PLBD1: variants seen among roughly 807,000 people sequenced by gnomAD.
PLBD1 encodes phospholipase B domain containing 1.
In PLBD1, 60 loss-of-function variants were observed where a neutral mutation model predicts 63.0. That is an observed-to-expected ratio of 0.95 (90% confidence interval 0.77 to 1.18). The LOEUF is 1.18. Among genes scored for constraint, PLBD1 ranks in the 50% most tolerant of loss-of-function variants. The pLI is 0.00. For missense variants in PLBD1, 598 were observed against 677.9 expected (o/e 0.88, Z 1.31); for synonymous variants, 262 against 248.0 (o/e 1.06, Z -0.53).
At chr12:14,547,029 T>A (rs911585201) in intron 2 of PLBD1, among the ~76,000 whole-genome samples, 3 of 152,066 alleles carry the variant, frequency 2.0e-5, no homozygotes, top group Admixed American at 1.3e-4. Flanking sequence ...TACAGGCGTG[T>A]GCCACCACAC....
chr12:14,527,765 C>T (rs1049904629), intron 6 of PLBD1, among the ~76,000 whole-genome samples: 12 of 150,426 alleles, frequency 8.0e-5, no homozygotes, highest in Admixed American at 2.0e-4. Flanking sequence ...ACATTTATAA[C>T]AGATACCTGT....
At chr12:14,544,824 T>C (rs1945604785) in intron 2 of PLBD1, among the ~76,000 whole-genome samples, 1 of 152,234 alleles carries the variant, frequency 6.6e-6, no homozygotes, top group African/African-American at 2.4e-5. Flanking sequence ...ATTCCTTGTT[T>C]AATAAATTCT....
chr12:14,512,045 G>A (rs1591994218), intron 6 of PLBD1, among the ~76,000 whole-genome samples: 2 of 145,504 alleles, frequency 1.4e-5, no homozygotes, highest in South Asian at 2.1e-4. Context: ...TTTTGCAGGA[G>A]AATTTTTAAT....
At chr12:14,518,112 C>T (rs1300525480) in intron 6 of PLBD1, among the ~76,000 whole-genome samples, 4 of 152,088 alleles carry the variant, frequency 2.6e-5, no homozygotes, top group South Asian at 2.1e-4. Context: ...ACCTGGGAGG[C>T]GGAGGTTGCA....
chr12:14,512,273 T>TGA (rs1211869428), intron 6 of PLBD1, among the ~76,000 whole-genome samples: 1 of 151,932 alleles, frequency 6.6e-6, no homozygotes, highest in Non-Finnish European at 1.5e-5. Flanking sequence ...CTCAGCCTCC[T>TGA]GAGTAGCTGG....
intron 8 of PLBD1, among the ~76,000 whole-genome samples, chr12:14,507,570 T>C (rs1945265618): frequency 2.0e-5 from 3 of 152,170 alleles, no homozygotes. Flanking sequence ...AACATAGCAC[T>C]GGGAATAGAA....
Position 14,506,089 on chromosome 12 carries a change from A to T in PLBD1, c.1479+73T>A. ...AGCGACATCGCTTCCTGCCATAAAA[A>T]CCTGTGCAACTTTGCCTTTGGAGAG... On this transcript the variant is annotated intron_variant, in intron 10 of 10. Coordinates refer to ENST00000240617, the MANE Select transcript of PLBD1 (RefSeq NM_024829.6). The T allele has an allele frequency of 6.0e-6, 6 of 1,003,932 alleles. No homozygotes were observed. In the South Asian group the frequency reaches 1.0e-4, roughly 17 times the overall value. 62.2% of individuals were successfully genotyped at this position (1,003,932 alleles called of 1,614,324 possible). A position where few individuals can be genotyped will look rare whatever the true frequency, so the allele number is the denominator to read the frequency against.
chr12:14,528,422 T>C, intron 6 of PLBD1, among the ~76,000 whole-genome samples: 1 of 139,010 alleles, frequency 7.2e-6, no homozygotes, highest in East Asian at 2.6e-4. Flanking sequence ...TGCAATTAAA[T>C]TGGAAAACAG....
rs1591991382 is a variant in PLBD1 at position 14,503,837 on chromosome 12, T to C, written c.1597A>G (p.Met533Val). The change falls in exon 11 of 11, where the codon ATG (methionine) becomes GTG (valine). Residue 533 changes from methionine (M) to valine (V), a missense_variant. Met to Val is a conservative substitution (Grantham distance 21, BLOSUM62 1). Transcript: ENST00000240617. ...AAATCAAAGTTGTAGACCTCTGGCA[T>C]GCCCTGATGTAGAGTTTTGTTGAAA... ...DRFNKTLHQG[M>V]PEVYNFDFIT... 9 of 1,613,940 alleles carry C rather than the reference T, an allele frequency of 5.6e-6. No homozygotes were observed. The East Asian group carries it at 1.8e-4, about 32-fold the overall frequency.
At chr12:14,539,020 CTAAATAAA>C (rs377307632) in intron 4 of PLBD1, among the ~76,000 whole-genome samples, 2,640 of 151,910 alleles carry the variant, frequency 0.017, 64 homozygotes, top group African/African-American at 0.061. Flanking sequence ...GGCTCTGTCT[CTAAATAAA>C]TAAATAAATA....
intron 10 of PLBD1, among the ~76,000 whole-genome samples, chr12:14,505,344 C>T (rs1945245295): frequency 6.6e-6 from 1 of 152,082 alleles, no homozygotes; most frequent in Non-Finnish European, 1.5e-5. Context: ...TTTAGGACAG[C>T]TGATGAAATG....
intron 8 of PLBD1, among the ~76,000 whole-genome samples, chr12:14,510,228 T>A (rs1296878403): frequency 6.6e-6 from 1 of 152,052 alleles, no homozygotes; most frequent in African/African-American, 2.4e-5. Context: ...CCGTCTCTAC[T>A]AAAAACACAC....
chr12:14,511,795 C>T (rs1345084453), intron 6 of PLBD1, 84 bp from the exon 7 acceptor site: 1 of 1,335,364 alleles, frequency 7.5e-7, no homozygotes. Flanking sequence ...TTTACATACA[C>T]AATGCATTTT....
At chr12:14,551,137 G>A (rs889405460) in intron 2 of PLBD1, among the ~76,000 whole-genome samples, 19 of 152,006 alleles carry the variant, frequency 1.2e-4, no homozygotes, top group African/African-American at 4.1e-4. Context: ...GGACAAGGTG[G>A]GAGGATCACG....
intron 6 of PLBD1, among the ~76,000 whole-genome samples, chr12:14,515,469 C>T (rs1256504278): frequency 6.6e-6 from 1 of 151,178 alleles, no homozygotes. Context: ...AATACGTGCC[C>T]GTATTCTGCT....
intron 6 of PLBD1, among the ~76,000 whole-genome samples, chr12:14,534,451 T>A (rs1157121008): frequency 6.6e-6 from 1 of 152,198 alleles, no homozygotes; most frequent in African/African-American, 2.4e-5. Flanking sequence ...CTGGAAATTC[T>A]TGGATGGAGA....
intron 3 of PLBD1, among the ~76,000 whole-genome samples, chr12:14,541,863 A>C (rs1427792729): frequency 6.6e-6 from 1 of 152,216 alleles, no homozygotes; most frequent in Non-Finnish European, 1.5e-5. Context: ...AAACATCTTA[A>C]AGAGCGAGGA....
At chr12:14,539,928 A>G (rs1158951906) in intron 4 of PLBD1, among the ~76,000 whole-genome samples, 1 of 147,394 alleles carries the variant, frequency 6.8e-6, no homozygotes, top group African/African-American at 2.5e-5. Flanking sequence ...ATGTACATGT[A>G]TATATGTGTG....
rs938525038 is a variant in PLBD1, at chr12:14,526,060, C to T, written c.844+9599G>A. ...AAAACCTTTGTTAAAATGTTTAACACAAAAAAAGACAGGAAAGGAGGAACA... is the reference window on the plus strand; with the variant it reads ...AAAACCTTTGTTAAAATGTTTAACATAAAAAAAGACAGGAAAGGAGGAACA... On this transcript the variant is annotated intron_variant, in intron 6 of 10. Transcript: ENST00000240617. Among the ~76,000 whole-genome samples the T allele has an allele frequency of 2.7e-5, 4 of 150,186 alleles. No individual in the cohort carries two copies. The South Asian group carries it at 6.4e-4, about 24-fold the overall frequency.
Sources: gnomAD v4.1 joint callset for allele counts (sites outside exome capture counted in the v4.1 genomes callset) on GRCh38, gnomAD v4.1.1 for gene constraint, MANE v1.5 for transcripts, NCBI Gene and HGNC (gene_info 2026-07-23, HGNC 2026-07-21) for gene names.